The following ST8SIA1 variants were observed in gnomAD, a reference collection of about 807,000 sequenced individuals.
The protein encoded by ST8SIA1 is ST8 alpha-N-acetyl-neuraminide alpha-2,8-sialyltransferase 1.
Under a neutral mutation model 35.9 loss-of-function variants are expected in ST8SIA1, and 16 were observed. The observed-to-expected ratio is 0.45, with a 90% CI of 0.30 to 0.68. The LOEUF (loss-of-function observed/expected upper bound fraction) is 0.68. Among genes scored for constraint, ST8SIA1 ranks in the 30% least tolerant of loss-of-function variants. The probability of loss-of-function intolerance (pLI) is 0.09; values close to 1 mark genes in which losing one functional copy is unlikely to be tolerated. For synonymous variants in ST8SIA1, 170 were observed against 169.6 expected (o/e 1.00, Z -0.02); for missense variants, 383 against 453.6 (o/e 0.84, Z 1.41).
intron 4 of ST8SIA1, among the ~76,000 whole-genome samples, chr12:22,236,871 C>T (rs189995746): frequency 6.0e-4 from 91 of 152,228 alleles, no homozygotes; most frequent in Non-Finnish European, 3.2e-4. Context: ...GTTCTTGGTG[C>T]TATGCTCACC....
At chr12:22,235,542 A>C (rs1865467661) in intron 4 of ST8SIA1, among the ~76,000 whole-genome samples, 2 of 152,214 alleles carry the variant, frequency 1.3e-5, no homozygotes, top group Non-Finnish European at 2.9e-5. Context: ...AACTCTGTGC[A>C]ATGAATTGTT....
chr12:22,269,583 A>C (rs181690492), intron 2 of ST8SIA1, among the ~76,000 whole-genome samples: 6 of 152,326 alleles, frequency 3.9e-5, no homozygotes, highest in Admixed American at 3.9e-4. Flanking sequence ...CAATCCCTTA[A>C]TGTTGAATAT....
intron 2 of ST8SIA1, among the ~76,000 whole-genome samples, chr12:22,265,954 C>G (rs1296220061): frequency 6.6e-6 from 1 of 152,080 alleles, no homozygotes; most frequent in African/African-American, 2.4e-5. Flanking sequence ...TTCATTGAAG[C>G]ACCCACCCAG....
At chr12:22,273,282 A>G (rs1865932794) in intron 2 of ST8SIA1, among the ~76,000 whole-genome samples, 1 of 152,128 alleles carries the variant, frequency 6.6e-6, no homozygotes. Flanking sequence ...TATTTTTCAT[A>G]TACCCACACT....
chr12:22,304,022 T>C (rs1407011926), intron 1 of ST8SIA1, among the ~76,000 whole-genome samples: 1 of 152,234 alleles, frequency 6.6e-6, no homozygotes, highest in Non-Finnish European at 1.5e-5. Flanking sequence ...GAGCAATGGC[T>C]GTCGTCTCAC....
intron 1 of ST8SIA1, among the ~76,000 whole-genome samples, chr12:22,332,412 A>G (rs1246080878): frequency 2.0e-5 from 3 of 152,092 alleles, no homozygotes; most frequent in Non-Finnish European, 4.4e-5. Context: ...CTCCTCCTAT[A>G]TTAAAAAAAT....
intron 4 of ST8SIA1, among the ~76,000 whole-genome samples, chr12:22,207,728 C>T (rs139916542): frequency 3.0e-4 from 46 of 152,140 alleles, no homozygotes; most frequent in African/African-American, 1.1e-3. Flanking sequence ...ACTTTAAATA[C>T]CTAACATGAT....
chr12:22,281,996 C>T (rs1866043345), intron 2 of ST8SIA1, among the ~76,000 whole-genome samples: 1 of 151,882 alleles, frequency 6.6e-6, no homozygotes, highest in Non-Finnish European at 1.5e-5. Context: ...TCAAACAGAG[C>T]AAGACCCTGT....
In ST8SIA1 at chr12:22,194,797, C is replaced by T. The variant is rs976883156; in HGVS notation, c.*6755G>A. ...TCCAAGGGTGAGGGTCAAAGTGACA[C>T]TTGCTGCTATCACTGCCTCATCATG... is the stretch of plus-strand genomic sequence containing the variant. On this transcript the variant is annotated 3_prime_UTR_variant, in exon 5 of 5. Transcript: ENST00000396037. The T allele has an allele frequency of 2.6e-5, 4 of 152,174 alleles. No individual in the cohort carries two copies. Among genetic ancestry groups the T allele is most frequent in the Non-Finnish European group, 4.4e-5 (3 of 68,052 alleles). The allele number at this position is 152,174 out of a possible 1,614,324, so 9.4% of individuals were successfully genotyped here.
At chr12:22,241,596 GTAT>G (rs753036523) in intron 4 of ST8SIA1, among the ~76,000 whole-genome samples, 3 of 123,812 alleles carry the variant, frequency 2.4e-5, no homozygotes, top group African/African-American at 9.3e-5. Context: ...CCAGACTCCG[GTAT>G]TTTTTTTTTT....
intron 2 of ST8SIA1, among the ~76,000 whole-genome samples, chr12:22,276,249 T>C (rs1464272555): frequency 6.7e-6 from 1 of 149,910 alleles, no homozygotes; most frequent in Non-Finnish European, 1.5e-5. Flanking sequence ...AGAATGCTTG[T>C]ATTGAGTAAA....
At chr12:22,218,713 G>C (rs1865262975) in intron 4 of ST8SIA1, among the ~76,000 whole-genome samples, 1 of 151,422 alleles carries the variant, frequency 6.6e-6, no homozygotes, top group African/African-American at 2.4e-5. Flanking sequence ...GAATCTACTC[G>C]GGAGGCTGAG....
rs142021556 is a variant in ST8SIA1, at chr12:22,254,579, T to A, written c.491+701A>T. Among the ~76,000 whole-genome samples, 211 of 152,348 alleles carry A rather than the reference T, an allele frequency of 1.4e-3. 2 individuals are homozygous for A. Among genetic ancestry groups the A allele is most frequent in the African/African-American group, 4.9e-3 (204 of 41,590 alleles). ...TCCAATCACTTGCTGTCTCTCCTTC[T>A]ATACGTGGCTGGTAAGCATGTCTGG... On this transcript the variant is annotated intron_variant, in intron 3 of 4. Transcript: ENST00000396037.
At chr12:22,260,770 A>G (rs1168551088) in intron 2 of ST8SIA1, among the ~76,000 whole-genome samples, 1 of 152,132 alleles carries the variant, frequency 6.6e-6, no homozygotes, top group Non-Finnish European at 1.5e-5. Context: ...TGTACTAACA[A>G]AATTGCATTC....
chr12:22,248,701 A>G (rs1052651395), intron 4 of ST8SIA1: 2 of 235,582 alleles, frequency 8.5e-6, no homozygotes, highest in African/African-American at 4.5e-5. Flanking sequence ...TGAAGCCAAC[A>G]AATTGAAAAG....
chr12:22,213,996 G>T (rs73265975), intron 4 of ST8SIA1, among the ~76,000 whole-genome samples: 2 of 152,244 alleles, frequency 1.3e-5, no homozygotes, highest in East Asian at 3.9e-4. Flanking sequence ...GATTTCTGGC[G>T]ACTGCTTTCA....
chr12:22,297,393 T>C (rs1281403847), intron 1 of ST8SIA1, among the ~76,000 whole-genome samples: 2 of 151,134 alleles, frequency 1.3e-5, no homozygotes, highest in African/African-American at 4.9e-5. Context: ...GCGTCTGTCC[T>C]GAAATTTTTC....
At chr12:22,299,513 T>G (rs1866291551) in intron 1 of ST8SIA1, among the ~76,000 whole-genome samples, 1 of 152,082 alleles carries the variant, frequency 6.6e-6, no homozygotes, top group African/African-American at 2.4e-5. Context: ...GTAAGTCCAA[T>G]AAGAGGCTGT....
At chr12:22,206,488 C>T (rs1158258399) in intron 4 of ST8SIA1, among the ~76,000 whole-genome samples, 3 of 152,164 alleles carry the variant, frequency 2.0e-5, no homozygotes, top group African/African-American at 7.2e-5. Flanking sequence ...AAGGACGCGT[C>T]AGTTTCCAGG....
Sources: gnomAD v4.1 joint callset for allele counts (sites outside exome capture counted in the v4.1 genomes callset) on GRCh38, gnomAD v4.1.1 for gene constraint, MANE v1.5 for transcripts, NCBI Gene and HGNC (gene_info 2026-07-23, HGNC 2026-07-21) for gene names.